The following CDH8 variants were observed in gnomAD, a reference collection of about 807,000 sequenced individuals.
CDH8 encodes cadherin 8, also known as cadherin-8.
Under a neutral mutation model 68.1 loss-of-function variants are expected in CDH8, and 17 were observed. The observed-to-expected ratio is 0.25, with a 90% CI of 0.17 to 0.37. CDH8 has a LOEUF of 0.37. CDH8 is among the 10% of genes least tolerant of loss of function. The pLI is 1.00. For synonymous variants in CDH8, 372 were observed against 365.1 expected (o/e 1.02, Z -0.21); for missense variants, 763 against 999.3 (o/e 0.76, Z 3.19).
At chr16:61,663,451 A>G in intron 10 of CDH8, among the ~76,000 whole-genome samples, 1 of 151,982 alleles carries the variant, frequency 6.6e-6, no homozygotes, top group East Asian at 1.9e-4. Flanking sequence ...TTAGAAAAAA[A>G]TAGATACTGT....
chr16:61,661,601 G>A (rs1350180663), intron 10 of CDH8, among the ~76,000 whole-genome samples: 1 of 151,744 alleles, frequency 6.6e-6, no homozygotes, highest in Non-Finnish European at 1.5e-5. Flanking sequence ...AGTCCTTAGA[G>A]GGAAATTTAT....
chr16:61,722,035 G>C (rs564713855), intron 9 of CDH8, among the ~76,000 whole-genome samples: 11 of 150,826 alleles, frequency 7.3e-5, no homozygotes, highest in African/African-American at 2.7e-4. Flanking sequence ...ATCTTTTGCA[G>C]TTACAGCTTC....
chr16:61,994,664 C>T (rs763158426), intron 2 of CDH8, among the ~76,000 whole-genome samples: 6 of 152,142 alleles, frequency 3.9e-5, no homozygotes, highest in Non-Finnish European at 8.8e-5. Flanking sequence ...GTCAGCATTG[C>T]GTGGGGACCT....
At chr16:61,862,962 T>C (rs1026626280) in intron 3 of CDH8, among the ~76,000 whole-genome samples, 2 of 152,180 alleles carry the variant, frequency 1.3e-5, no homozygotes, top group Non-Finnish European at 2.9e-5. Context: ...ATTTAGCTAG[T>C]GACTATAAAT....
rs1001631115 is a variant in CDH8 at position 61,744,995 on chromosome 16, A to G, written c.1415-17780T>C. Reference sequence around the variant, plus strand: ...TTTGTTTATCTTCTTTCTTTTCTATATTATCATATTGCCATTTAGGCTGGT... The same window carrying G: ...TTTGTTTATCTTCTTTCTTTTCTATGTTATCATATTGCCATTTAGGCTGGT... On this transcript the variant is annotated intron_variant, in intron 8 of 11. Coordinates refer to ENST00000577390, the MANE Select transcript of CDH8 (RefSeq NM_001796.5). 6.8e-5 allele frequency among the ~76,000 whole-genome samples: 10 copies of G among 147,788 alleles called. No individual in the cohort carries two copies. In the South Asian group the frequency reaches 2.2e-3, roughly 32 times the overall value.
intron 7 of CDH8, among the ~76,000 whole-genome samples, chr16:61,815,712 G>A (rs8047328): frequency 0.031 from 4,703 of 152,084 alleles, 235 homozygotes; most frequent in African/African-American, 0.11. Flanking sequence ...CACTAAAACC[G>A]GTCCTCTGAT....
chr16:61,664,518 T>C (rs74948928), intron 10 of CDH8, among the ~76,000 whole-genome samples: 1,557 of 152,084 alleles, frequency 0.01, 29 homozygotes, highest in African/African-American at 0.036. Flanking sequence ...TTATATGTGG[T>C]TTAAAATAAA....
intron 10 of CDH8, among the ~76,000 whole-genome samples, chr16:61,713,530 A>T (rs138751764): frequency 1.3e-5 from 2 of 151,760 alleles, no homozygotes; most frequent in Admixed American, 1.3e-4. Context: ...TCTTAGGGAT[A>T]TCTCAGAATC....
At chr16:61,699,446 A>C (rs1964382185) in intron 10 of CDH8, among the ~76,000 whole-genome samples, 1 of 152,226 alleles carries the variant, frequency 6.6e-6, no homozygotes, top group Non-Finnish European at 1.5e-5. Context: ...TAAATGAGTA[A>C]TATAATCCAA....
chr16:61,963,973 T>C (rs986733994), intron 2 of CDH8, among the ~76,000 whole-genome samples: 11 of 152,198 alleles, frequency 7.2e-5, no homozygotes, highest in African/African-American at 2.7e-4. Flanking sequence ...CTCACCTGTT[T>C]ACAATGAACA....
At position 61,970,608 on chromosome 16, in the gene CDH8, C is replaced by T. The variant is rs61196665; in HGVS notation, c.252+50544G>A. Among the ~76,000 whole-genome samples the T allele has an allele frequency of 9.1e-3, 1,381 of 152,264 alleles. 14 individuals carry two copies. The highest frequency in any genetic ancestry group is 0.027 in the African/African-American group (1,135 of 41,550). ...CCTATTCTGCTCTCATGACACAGAA[C>T]GCTTCTGTGACCAAATGCATGGGGG... On this transcript the variant is annotated intron_variant, in intron 2 of 11. Coordinates refer to ENST00000577390, the MANE Select transcript of CDH8 (RefSeq NM_001796.5).
chr16:61,867,087 C>G (rs1963269738), intron 3 of CDH8, among the ~76,000 whole-genome samples: 1 of 152,108 alleles, frequency 6.6e-6, no homozygotes. Flanking sequence ...TGAAAAGCCA[C>G]TGAGCCACTG....
intron 8 of CDH8, among the ~76,000 whole-genome samples, chr16:61,737,936 TAA>T (rs1236904772): frequency 2.0e-5 from 3 of 152,168 alleles, no homozygotes; most frequent in Admixed American, 6.5e-5. Flanking sequence ...AGCCAGAGTA[TAA>T]AGAGTAGTCA....
chr16:61,730,989 A>C (rs78780818), intron 8 of CDH8, among the ~76,000 whole-genome samples: 5,252 of 151,674 alleles, frequency 0.035, 299 homozygotes, highest in African/African-American at 0.12. Context: ...AAAAAGTCCT[A>C]AGGGATACAG....
chr16:61,685,797 C>G (rs904747859), intron 10 of CDH8, among the ~76,000 whole-genome samples: 4 of 151,872 alleles, frequency 2.6e-5, no homozygotes, highest in Non-Finnish European at 1.5e-5. Flanking sequence ...TTGCTTCACC[C>G]ATACTTTTCT....
At chr16:61,986,692 T>C (rs1002271277) in intron 2 of CDH8, among the ~76,000 whole-genome samples, 2 of 152,184 alleles carry the variant, frequency 1.3e-5, no homozygotes, top group African/African-American at 4.8e-5. Context: ...AGTCCAAGAC[T>C]GTATGAAGGT....
At chr16:61,922,057 T>C (rs2143414566) in intron 2 of CDH8, among the ~76,000 whole-genome samples, 1 of 152,206 alleles carries the variant, frequency 6.6e-6, no homozygotes, top group Non-Finnish European at 1.5e-5. Context: ...ACATCGATTC[T>C]AAGCCACCTC....
At chr16:61,865,657 T>G (rs1378035778) in intron 3 of CDH8, among the ~76,000 whole-genome samples, 1 of 152,196 alleles carries the variant, frequency 6.6e-6, no homozygotes, top group African/African-American at 2.4e-5. Context: ...GTTTTATAGT[T>G]CCATGTGCAT....
intron 3 of CDH8, among the ~76,000 whole-genome samples, chr16:61,870,765 C>T (rs1597031259): frequency 1.3e-5 from 2 of 152,230 alleles, no homozygotes; most frequent in East Asian, 1.9e-4. Flanking sequence ...TACATTGAAA[C>T]TCACTAAATT....
Sources: gnomAD v4.1 joint callset for allele counts (sites outside exome capture counted in the v4.1 genomes callset) on GRCh38, gnomAD v4.1.1 for gene constraint, MANE v1.5 for transcripts, NCBI Gene and HGNC (gene_info 2026-07-23, HGNC 2026-07-21) for gene names.